Variants in C7orf57 observed in about 807,000 individuals in gnomAD.
C7orf57 encodes uncharacterized protein C7orf57.
In C7orf57, 33 loss-of-function variants were observed where a neutral mutation model predicts 39.0. The observed-to-expected ratio is 0.85, with a 90% CI of 0.64 to 1.13. The LOEUF is 1.13. Ranked by LOEUF, C7orf57 falls within the 50% of genes most tolerant of loss-of-function variation. The pLI is 0.00. For synonymous variants in C7orf57, 124 were observed against 137.1 expected (o/e 0.90, Z 0.67); for missense variants, 346 against 362.3 (o/e 0.95, Z 0.37).
rs1554299663 is a variant in C7orf57, at chr7:48,051,758, C to CTT, written c.606-940_606-939dup. On this transcript the variant is annotated intron_variant, in intron 6 of 8. Coordinates refer to ENST00000348904, the MANE Select transcript of C7orf57 (RefSeq NM_001100159.3). ...TCTTTTCTTTCTTTTTCTTTTCTTT[C>CTT]TTTCTTTCTTTCTTTCTTTCTTTCT... Among the ~76,000 whole-genome samples, 6 of 22,422 alleles carry CTT rather than the reference C, an allele frequency of 2.7e-4. 1 individual carries two copies. In the East Asian group the frequency reaches 2.7e-3, roughly 10 times the overall value. The allele number at this position is 22,422 out of a possible 152,430, so 14.7% of individuals were successfully genotyped here. A position where few individuals can be genotyped will look rare whatever the true frequency, so the allele number is the denominator to read the frequency against.
intron 7 of C7orf57, among the ~76,000 whole-genome samples, chr7:48,053,598 T>C (rs938160876): frequency 3.3e-5 from 5 of 152,112 alleles, no homozygotes; most frequent in African/African-American, 1.2e-4. Flanking sequence ...ACTATAGACA[T>C]GCACCATTAC....
Position 48,060,360 on chromosome 7 carries a change from G to C in C7orf57, c.*88G>C. 1.2e-6 allele frequency: 1 copy of C among 817,906 alleles called. No individual in the cohort carries two copies. Among genetic ancestry groups the C allele is most frequent in the Non-Finnish European group, 1.9e-6 (1 of 534,094 alleles). 50.7% of individuals were successfully genotyped at this position (817,906 alleles called of 1,614,324 possible). A position where few individuals can be genotyped will look rare whatever the true frequency, so the allele number is the denominator to read the frequency against. On this transcript the variant is annotated 3_prime_UTR_variant, in exon 9 of 9. Transcript: ENST00000348904. Reference sequence around the variant, plus strand: ...TAGCTATATTTCTGAGGCTTTTTTTGTATTTTATTAATATAGACTCTCATT... The same window carrying C: ...TAGCTATATTTCTGAGGCTTTTTTTCTATTTTATTAATATAGACTCTCATT...
intron 3 of C7orf57, among the ~76,000 whole-genome samples, chr7:48,041,939 G>A (rs977921392): frequency 1.2e-4 from 18 of 152,280 alleles, no homozygotes; most frequent in South Asian, 8.3e-4. Context: ...GTATGAAAAC[G>A]TTTTAGAAAA....
chr7:48,043,345 G>A, intron 3 of C7orf57, 136 bp from the exon 4 acceptor site: 1 of 659,234 alleles, frequency 1.5e-6, no homozygotes, highest in Non-Finnish European at 2.7e-6. Context: ...GGGATGCTCT[G>A]TTAGTCCCTG....
intron 2 of C7orf57, among the ~76,000 whole-genome samples, chr7:48,038,732 A>G (rs1471235877): frequency 6.6e-6 from 1 of 152,220 alleles, no homozygotes; most frequent in Non-Finnish European, 1.5e-5. Flanking sequence ...ATATGTGCCC[A>G]AGATGGTTGA....
Position 48,049,949 on chromosome 7 carries a change from G to T in C7orf57, c.577G>T (p.Ala193Ser), listed in dbSNP as rs1562628380. Residue 193 changes from alanine (A) to serine (S), a missense_variant, in exon 6 of 9, where the codon GCA (alanine) becomes TCA (serine). Coordinates refer to ENST00000348904, the MANE Select transcript of C7orf57 (RefSeq NM_001100159.3). ...AGTPLGPKNP[A>S]GSRLSFPPVP... Reference sequence around the variant, plus strand: ...CACCCCACTTGGCCCTAAGAATCCTGCAGGAAGTAGACTCTCCTTCCCCCC... The same window carrying T: ...CACCCCACTTGGCCCTAAGAATCCTTCAGGAAGTAGACTCTCCTTCCCCCC... 6.2e-7 allele frequency: 1 copy of T among 1,612,730 alleles called. No homozygotes were observed. Among genetic ancestry groups the T allele is most frequent in the Non-Finnish European group, 8.5e-7 (1 of 1,178,858 alleles).
chr7:48,054,739 C>G (rs575889979), intron 8 of C7orf57, 133 bp downstream of exon 8: 248 of 691,876 alleles, frequency 3.6e-4, no homozygotes, highest in Non-Finnish European at 5.7e-4. Flanking sequence ...TGCATGCATT[C>G]TGACTACAAA....
chr7:48,049,906 GTATC>G lies in C7orf57; in HGVS notation c.536_539del (p.Tyr179Ter). 6.2e-7 allele frequency: 1 copy of G among 1,613,792 alleles called. No individual in the cohort carries two copies. The highest frequency in any genetic ancestry group is 8.5e-7 in the Non-Finnish European group (1 of 1,179,752). On this transcript the variant is annotated frameshift_variant, in exon 6 of 9. Transcript: ENST00000348904. LOFTEE classifies it high-confidence loss of function. ...TGAGGCTACCGGCCATTGACTCAAA[GTATC>G]TGAGCAAAGCAGGCACCCCACTTGG...
At chr7:48,052,258 AC>A (rs1441194234) in intron 6 of C7orf57, among the ~76,000 whole-genome samples, 6 of 152,322 alleles carry the variant, frequency 3.9e-5, no homozygotes, top group Admixed American at 3.9e-4. Context: ...GGCGTGAGCC[AC>A]GGCACCCAGC....
intron 4 of C7orf57, among the ~76,000 whole-genome samples, chr7:48,044,535 A>G (rs1262735359): frequency 6.6e-6 from 1 of 152,168 alleles, no homozygotes; most frequent in Non-Finnish European, 1.5e-5. Flanking sequence ...GAGCTGAGTT[A>G]CAAGCCCCAT....
At chr7:48,051,771 TTTC>T (rs774644743) in intron 6 of C7orf57, among the ~76,000 whole-genome samples, 3,387 of 42,598 alleles carry the variant, frequency 0.08, 474 homozygotes, top group Non-Finnish European at 0.17. Flanking sequence ...TCTTTCTTTC[TTTC>T]TTTCTTTCTT....
Position 48,060,676 on chromosome 7 carries a change from T to C in C7orf57, c.*404T>C, listed in dbSNP as rs959544267. 1 of 153,910 alleles carries C rather than the reference T, an allele frequency of 6.5e-6. No individual in the cohort carries two copies. 9.5% of individuals were successfully genotyped at this position (153,910 alleles called of 1,614,324 possible). A position where few individuals can be genotyped will look rare whatever the true frequency, so the allele number is the denominator to read the frequency against. On this transcript the variant is annotated 3_prime_UTR_variant, in exon 9 of 9. Coordinates refer to ENST00000348904, the MANE Select transcript of C7orf57 (RefSeq NM_001100159.3). The stretch of plus-strand genomic sequence containing the variant: ...CCAATATTTAGTATTGTAGTCTTCA[T>C]AGAAATCATTTCTAGTTACAGAAAA...
intron 7 of C7orf57, among the ~76,000 whole-genome samples, chr7:48,053,940 T>A (rs1791035473): frequency 6.6e-6 from 1 of 152,356 alleles, no homozygotes; most frequent in Admixed American, 6.5e-5. Context: ...GTGTTATACC[T>A]CTTCAGACAT....
At position 48,041,374 on chromosome 7, in the gene C7orf57, C is replaced by G. The variant is rs766215119; in HGVS notation, c.96C>G (p.Ala32=). The G allele has an allele frequency of 3.1e-6, 5 of 1,613,826 alleles. No homozygotes were observed. The highest frequency in any genetic ancestry group is 4.2e-6 in the Non-Finnish European group (5 of 1,179,796). The change falls in exon 3 of 9, where the codon GCC becomes GCG. Residue 32 remains alanine (A), a synonymous_variant. Transcript: ENST00000348904. ...TCCCAGTGAAGCGCTCTGAGAAGGC[C>G]GTGGATGCCCCACCAGCGTCCCAGA... ...YHVPVKRSEK[A]VDAPPASQIP...
At position 48,051,776 on chromosome 7, in the gene C7orf57, T is replaced by TTC. The variant is rs1188673082; in HGVS notation, c.606-922_606-921dup. Among the ~76,000 whole-genome samples the TTC allele has an allele frequency of 2.4e-4, 27 of 113,248 alleles. 4 individuals are homozygous for TTC. The East Asian group carries it at 5.4e-3, about 23-fold the overall frequency. The allele number at this position is 113,248 out of a possible 152,430, so 74.3% of individuals were successfully genotyped here. On this transcript the variant is annotated intron_variant, in intron 6 of 8. Transcript: ENST00000348904. ...TTTCTTTCTTTCTTTCTTTCTTTCT[T>TTC]TCTTTCTTTCTTTCTTTCTTTCCTT...
intron 2 of C7orf57, among the ~76,000 whole-genome samples, chr7:48,040,941 G>A (rs1220473131): frequency 6.6e-6 from 1 of 152,156 alleles, no homozygotes; most frequent in Non-Finnish European, 1.5e-5. Flanking sequence ...TAAGTGATTT[G>A]GGATTTTTCA....
At position 48,046,446 on chromosome 7, in the gene C7orf57, G is replaced by A. The variant is rs746988343; in HGVS notation, c.351-14G>A. On this transcript the variant is annotated splice_polypyrimidine_tract_variant and intron_variant, in intron 4 of 8. Coordinates refer to ENST00000348904, the MANE Select transcript of C7orf57 (RefSeq NM_001100159.3). ...CTCTGAGCACCAGGCTGTAACTGGTGTCTGTCCTTGCAGAGTGCGGGCTGT... is the reference window on the plus strand; with the variant it reads ...CTCTGAGCACCAGGCTGTAACTGGTATCTGTCCTTGCAGAGTGCGGGCTGT... 4 of 1,609,518 alleles carry A rather than the reference G, an allele frequency of 2.5e-6. No individual in the cohort carries two copies. The highest frequency in any genetic ancestry group is 2.5e-6 in the Non-Finnish European group (3 of 1,177,704).
intron 8 of C7orf57, among the ~76,000 whole-genome samples, chr7:48,059,867 G>A (rs2128800678): frequency 6.6e-6 from 1 of 152,224 alleles, no homozygotes; most frequent in African/African-American, 2.4e-5. Context: ...CTGACAGACA[G>A]CCTGAGTTGC....
In C7orf57 at chr7:48,056,984, T is replaced by G. The variant is rs149390878; in HGVS notation, c.841+2378T>G. Among the ~76,000 whole-genome samples the G allele has an allele frequency of 4.9e-3, 740 of 152,254 alleles. 5 individuals carry two copies. The highest frequency in any genetic ancestry group is 0.014 in the South Asian group (69 of 4,828). On this transcript the variant is annotated intron_variant, in intron 8 of 8. Transcript: ENST00000348904. ...TTGGTTCTATCCACTGATCTATACT[T>G]CCATTTTTATGCCAGTACCATGCTG...
Sources: gnomAD v4.1 joint callset for allele counts (sites outside exome capture counted in the v4.1 genomes callset) on GRCh38, gnomAD v4.1.1 for gene constraint, MANE v1.5 for transcripts, NCBI Gene and HGNC (gene_info 2026-07-23, HGNC 2026-07-21) for gene names.